Variants in FGF10 observed in about 807,000 individuals in gnomAD.
FGF10 encodes FGF-10.
FGF10 carries 2 observed loss-of-function variants against 19.8 expected under a neutral mutation model. The ratio of observed to expected loss-of-function variants is 0.10; its 90% confidence interval spans 0.04 to 0.32. FGF10 has a LOEUF of 0.32. FGF10 is among the 10% of genes least tolerant of loss of function. The pLI, the probability that FGF10 is intolerant of heterozygous loss-of-function variation, is 1.00. For synonymous variants in FGF10, 112 were observed against 94.0 expected (o/e 1.19, Z -1.10); for missense variants, 191 against 246.3 (o/e 0.78, Z 1.50).
intron 1 of FGF10, among the ~76,000 whole-genome samples, chr5:44,355,029 T>A (rs1045591168): frequency 1.3e-5 from 2 of 151,558 alleles, no homozygotes; most frequent in African/African-American, 4.8e-5. Flanking sequence ...GCAGTGACTT[T>A]ATTCTCTTCG....
At chr5:44,360,440 C>A (rs1248564204) in intron 1 of FGF10, among the ~76,000 whole-genome samples, 1 of 151,504 alleles carries the variant, frequency 6.6e-6, no homozygotes, top group Non-Finnish European at 1.5e-5. Flanking sequence ...CAACCATAAG[C>A]ATCTGATCCT....
At chr5:44,311,014 T>A (rs1002185847) in intron 1 of FGF10, among the ~76,000 whole-genome samples, 3 of 152,110 alleles carry the variant, frequency 2.0e-5, no homozygotes, top group Admixed American at 6.6e-5. Context: ...AGGATATAGA[T>A]AATCTAAATC....
intron 1 of FGF10, among the ~76,000 whole-genome samples, chr5:44,349,448 ATATATATAT>A (rs1170274165): frequency 1.7e-4 from 2 of 11,892 alleles, no homozygotes; most frequent in African/African-American, 4.3e-4. Context: ...ATATATATAT[ATATATATAT>A]ATATATATAT....
At chr5:44,305,889 G>A (rs1373483834) in intron 2 of FGF10, among the ~76,000 whole-genome samples, 1 of 152,188 alleles carries the variant, frequency 6.6e-6, no homozygotes, top group South Asian at 2.1e-4. Context: ...AAGAAATTAT[G>A]AGCATGGTGA....
At position 44,361,150 on chromosome 5, in the gene FGF10, C is replaced by A. The variant is rs1487738894; in HGVS notation, c.325+27208G>T. Among the ~76,000 whole-genome samples the A allele has an allele frequency of 4.0e-5, 6 of 151,760 alleles. No homozygotes were observed. In the East Asian group the frequency reaches 1.2e-3, roughly 30 times the overall value. On this transcript the variant is annotated intron_variant, in intron 1 of 2. Coordinates refer to ENST00000264664, the MANE Select transcript of FGF10 (RefSeq NM_004465.2). ...TGCAGCAGCAACTCTCAAGGTTATT[C>A]TTCAGTGCTGAAATCTTGACTGGAA...
At chr5:44,371,935 A>C (rs1741750158) in intron 1 of FGF10, among the ~76,000 whole-genome samples, 1 of 152,178 alleles carries the variant, frequency 6.6e-6, no homozygotes, top group East Asian at 1.9e-4. Context: ...GTCCATGCTT[A>C]GTACTATCTA....
At chr5:44,309,070 A>G (rs2111681565) in intron 2 of FGF10, among the ~76,000 whole-genome samples, 1 of 152,328 alleles carries the variant, frequency 6.6e-6, no homozygotes, top group South Asian at 2.1e-4. Flanking sequence ...ACAAATTTAA[A>G]GTGAAATTCC....
intron 1 of FGF10, among the ~76,000 whole-genome samples, chr5:44,349,491 A>AATATATATATATATCAGAAT (rs200499069): frequency 0.031 from 1,118 of 36,604 alleles, 95 homozygotes; most frequent in Middle Eastern, 0.065. Flanking sequence ...TATATATCAG[A>AATATATATATATATCAGAAT]ATATATATAT....
chr5:44,388,555 T>A lies in FGF10; in HGVS notation c.128A>T (p.Asp43Val). The A allele has an allele frequency of 6.2e-7, 1 of 1,614,118 alleles. No individual in the cohort carries two copies. The highest frequency in any genetic ancestry group is 8.5e-7 in the Non-Finnish European group (1 of 1,180,032). Residue 43 changes from aspartate to valine, a missense_variant, in exon 1 of 3, where the codon GAC (aspartate) becomes GTC (valine). Coordinates refer to ENST00000264664, the MANE Select transcript of FGF10 (RefSeq NM_004465.2). ...VPVTCQALGQ[D>V]MVSPEATNSS... ...GTTGGTGGCCTCTGGTGACACCATG[T>A]CCTGACCAAGGGCTTGGCAGGTGAC...
rs1317918281 is a variant in FGF10, at chr5:44,300,748, G to C, written c.*4247C>G. ...TGGTGTACTCTTCTTCACTAGTTGC[G>C]GTTGTGTGGGCTGCCAAAATCTTCA... On this transcript the variant is annotated 3_prime_UTR_variant, in exon 3 of 3. Coordinates refer to ENST00000264664, the MANE Select transcript of FGF10 (RefSeq NM_004465.2). 1.3e-5 allele frequency among the ~76,000 whole-genome samples: 2 copies of C among 151,774 alleles called. No homozygotes were observed. Among genetic ancestry groups the C allele is most frequent in the Non-Finnish European group, 1.5e-5 (1 of 67,944 alleles).
chr5:44,316,060 C>A (rs545388544), intron 1 of FGF10, among the ~76,000 whole-genome samples: 1 of 152,142 alleles, frequency 6.6e-6, no homozygotes, highest in Non-Finnish European at 1.5e-5. Flanking sequence ...AGCATTACTG[C>A]CTGAGCACTG....
At chr5:44,323,893 G>T (rs1740553689) in intron 1 of FGF10, among the ~76,000 whole-genome samples, 1 of 152,096 alleles carries the variant, frequency 6.6e-6, no homozygotes, top group Non-Finnish European at 1.5e-5. Flanking sequence ...TGATGGGTAA[G>T]GGACACATTT....
At chr5:44,336,396 A>G (rs569450981) in intron 1 of FGF10, among the ~76,000 whole-genome samples, 2 of 152,292 alleles carry the variant, frequency 1.3e-5, no homozygotes, top group Admixed American at 1.3e-4. Context: ...CATAATATTC[A>G]GAGATAATCA....
At chr5:44,368,739 G>C (rs1741676627) in intron 1 of FGF10, among the ~76,000 whole-genome samples, 1 of 152,026 alleles carries the variant, frequency 6.6e-6, no homozygotes, top group Non-Finnish European at 1.5e-5. Context: ...CACCATCAGG[G>C]CTCACTGCAG....
Position 44,304,829 on chromosome 5 carries a change from AT to A in FGF10, c.*165del. ...ACACAGAACTAATTAAAAGAACATC[AT>A]ATGTCAGCAGTGAATACAAAAACCT... On this transcript the variant is annotated 3_prime_UTR_variant, in exon 3 of 3. Transcript: ENST00000264664. 1.5e-6 allele frequency: 1 copy of A among 664,446 alleles called. No individual in the cohort carries two copies. The highest frequency in any genetic ancestry group is 2.7e-6 in the Non-Finnish European group (1 of 371,802). The allele number at this position is 664,446 out of a possible 1,614,324, so 41.2% of individuals were successfully genotyped here.
At chr5:44,317,793 A>G (rs1740383762) in intron 1 of FGF10, among the ~76,000 whole-genome samples, 1 of 152,094 alleles carries the variant, frequency 6.6e-6, no homozygotes, top group Non-Finnish European at 1.5e-5. Context: ...GAAATATTTC[A>G]GGAAATAATT....
chr5:44,324,982 A>G (rs1411807819), intron 1 of FGF10, among the ~76,000 whole-genome samples: 1 of 152,190 alleles, frequency 6.6e-6, no homozygotes, highest in African/African-American at 2.4e-5. Context: ...TTCCTTGGTA[A>G]AATTCAAAGT....
At chr5:44,343,103 A>G (rs1741005544) in intron 1 of FGF10, among the ~76,000 whole-genome samples, 1 of 152,062 alleles carries the variant, frequency 6.6e-6, no homozygotes, top group African/African-American at 2.4e-5. Flanking sequence ...AGTTCATGAC[A>G]GGCATTTTGT....
intron 1 of FGF10, among the ~76,000 whole-genome samples, chr5:44,353,706 C>T (rs999857127): frequency 6.6e-6 from 1 of 151,350 alleles, no homozygotes; most frequent in African/African-American, 2.4e-5. Flanking sequence ...GGTAGAAGTT[C>T]CACCATCTCT....
Sources: gnomAD v4.1 joint callset for allele counts (sites outside exome capture counted in the v4.1 genomes callset) on GRCh38, gnomAD v4.1.1 for gene constraint, MANE v1.5 for transcripts, NCBI Gene and HGNC (gene_info 2026-07-23, HGNC 2026-07-21) for gene names.